GLYAT: variants seen among roughly 807,000 people sequenced by gnomAD.
GLYAT encodes the protein glycine N-acyltransferase.
GLYAT carries 25 observed loss-of-function variants against 22.8 expected under a neutral mutation model. The ratio of observed to expected loss-of-function variants is 1.09; its 90% CI spans 0.80 to 1.53. GLYAT has a LOEUF of 1.53. Ranked by LOEUF, GLYAT falls within the 40% of genes most tolerant of loss-of-function variation. The pLI, the probability that GLYAT is intolerant of heterozygous loss-of-function variation, is 0.00. For missense variants in GLYAT, 411 were observed against 353.9 expected, an observed-to-expected ratio of 1.16 and a Z score of -1.29; for synonymous variants, 140 against 122.7, an observed-to-expected ratio of 1.14 and a Z score of -0.93.
At chr11:58,718,740 T>C (rs1319661148) in intron 2 of GLYAT, among the ~76,000 whole-genome samples, 1 of 151,812 alleles carries the variant, frequency 6.6e-6, no homozygotes, top group East Asian at 1.9e-4. Context: ...GTTTTATAGC[T>C]GATTATAAAA....
intron 2 of GLYAT, among the ~76,000 whole-genome samples, chr11:58,718,303 T>C (rs896032130): frequency 1.3e-5 from 2 of 152,048 alleles, no homozygotes; most frequent in African/African-American, 4.8e-5. Context: ...CAAAGTTTGT[T>C]CATAGGAGTA....
intron 4 of GLYAT, among the ~76,000 whole-genome samples, chr11:58,711,477 G>T (rs114557793): frequency 6.6e-6 from 1 of 152,150 alleles, no homozygotes; most frequent in Non-Finnish European, 1.5e-5. Context: ...CACTGGGGAA[G>T]AAGCATTTCA....
Position 58,723,281 on chromosome 11 carries a change from A to G in GLYAT, c.81+1135T>C, listed in dbSNP as rs189835842. ...GTTCTGTCTCTCTGGGAGGTTATTT[A>G]TATCTTAAGGATTGTCATGTGAAGC... On this transcript the variant is annotated intron_variant, in intron 2 of 5. Coordinates refer to ENST00000344743, the MANE Select transcript of GLYAT (RefSeq NM_201648.3). Among the ~76,000 whole-genome samples the G allele has an allele frequency of 4.0e-3, 602 of 152,204 alleles. 12 individuals carry two copies. Among genetic ancestry groups the G allele is most frequent in the Admixed American group, 0.036 (546 of 15,254 alleles).
chr11:58,711,705 G>A lies in GLYAT; in HGVS notation c.317-944C>T, dbSNP rs905719410. ...TACATTCCTAGTGTAATAATATGAG[G>A]CAATGACCCATGATTTGCACATATC... On this transcript the variant is annotated intron_variant, in intron 4 of 5. Transcript: ENST00000344743. Among the ~76,000 whole-genome samples, 3 of 152,182 alleles carry A rather than the reference G, an allele frequency of 2.0e-5. No homozygotes were observed. In the South Asian group the frequency reaches 6.2e-4, roughly 32 times the overall value.
Position 58,709,791 on chromosome 11 carries a change from T to C in GLYAT, c.866A>G (p.Asn289Ser), listed in dbSNP as rs1374359338. Residue 289 changes from asparagine to serine, a missense_variant, in exon 6 of 6, where the codon AAC becomes AGC. Transcript: ENST00000344743. ...LQHVPIPRSW[N>S]QWNCVPL ...TCACAGAGGTACACAGTTCCACTGG[T>C]TCCAGCTTCTGGGAATGGGAACATG... The C allele has an allele frequency of 6.2e-7, 1 of 1,612,604 alleles. No individual in the cohort carries two copies. Among genetic ancestry groups the C allele is most frequent in the Non-Finnish European group, 8.5e-7 (1 of 1,179,190 alleles).
rs1426949944 is a variant in GLYAT at position 58,731,880 on chromosome 11, C to T, written c.-61G>A. ...GATGTTTCCGGGAAGAAACGATGAG[C>T]AACACCCTTCTGGGAGATGAAATTT... On this transcript the variant is annotated 5_prime_UTR_variant, in exon 1 of 6. Transcript: ENST00000344743. The T allele has an allele frequency of 6.6e-6, 1 of 152,128 alleles. No homozygotes were observed. The highest frequency in any genetic ancestry group is 2.1e-4 in the South Asian group (1 of 4,826). The allele number at this position is 152,128 out of a possible 1,614,324, so 9.4% of individuals were successfully genotyped here.
At chr11:58,725,426 A>G (rs1856801761) in intron 1 of GLYAT, among the ~76,000 whole-genome samples, 1 of 152,164 alleles carries the variant, frequency 6.6e-6, no homozygotes, top group Admixed American at 6.6e-5. Context: ...GGAAGAGAGC[A>G]AAGTAACTTC....
At chr11:58,727,698 G>A (rs1350583939) in intron 1 of GLYAT, among the ~76,000 whole-genome samples, 1 of 152,090 alleles carries the variant, frequency 6.6e-6, no homozygotes, top group Non-Finnish European at 1.5e-5. Flanking sequence ...TCAGGAGCTG[G>A]GCAAGTGGGC....
chr11:58,712,784 A>C lies in GLYAT; in HGVS notation c.292T>G (p.Trp98Gly), dbSNP rs773369748. 9 of 1,613,040 alleles carry C rather than the reference A, an allele frequency of 5.6e-6. No individual in the cohort carries two copies. The highest frequency in any genetic ancestry group is 6.8e-6 in the Non-Finnish European group (8 of 1,179,120). The stretch of plus-strand genomic sequence containing the variant: ...CTTTGAATCTGTAAATGCTGTTTCC[A>C]GTTGATGAGTTCTGGTGATCCAAGG... ...EFLGSPELIN[W>G]KQHLQIQSSQ... Residue 98 changes from tryptophan (W) to glycine (G), a missense_variant, in exon 4 of 6, where the codon TGG (tryptophan) becomes GGG (glycine). Coordinates refer to ENST00000344743, the MANE Select transcript of GLYAT (RefSeq NM_201648.3).
rs370676185 is a variant in GLYAT at position 58,728,851 on chromosome 11, G to GAAAGA, written c.-16+2983_-16+2984insTCTTT. On this transcript the variant is annotated intron_variant, in intron 1 of 5. Coordinates refer to ENST00000344743, the MANE Select transcript of GLYAT (RefSeq NM_201648.3). ...AAGAAAAAGAAAAAAAGGAAAGAAAGAAGAAAGAAAGAAAGAAAGAAAGAA... is the reference window on the plus strand; with the variant it reads ...AAGAAAAAGAAAAAAAGGAAAGAAAGAAAGAAAGAAAGAAAGAAAGAAAGAAAGAA... 4 of 90,728 alleles carry GAAAGA rather than the reference G, an allele frequency of 4.4e-5. 1 individual carries two copies. In the East Asian group the frequency reaches 1.4e-3, roughly 31 times the overall value. 5.6% of individuals were successfully genotyped at this position (90,728 alleles called of 1,614,324 possible). A position where few individuals can be genotyped will look rare whatever the true frequency, so the allele number is the denominator to read the frequency against.
chr11:58,720,453 A>G (rs1419974061), intron 2 of GLYAT, among the ~76,000 whole-genome samples: 1 of 152,058 alleles, frequency 6.6e-6, no homozygotes, highest in Non-Finnish European at 1.5e-5. Context: ...TGAGACAGTG[A>G]AAACGGATTT....
intron 1 of GLYAT, among the ~76,000 whole-genome samples, chr11:58,728,331 G>C (rs932553375): frequency 7.2e-5 from 11 of 151,990 alleles, no homozygotes; most frequent in Admixed American, 1.3e-4. Context: ...AAAGTGCTGG[G>C]ATTACAGGCG....
chr11:58,729,840 C>T (rs1055731314), intron 1 of GLYAT, among the ~76,000 whole-genome samples: 82 of 152,222 alleles, frequency 5.4e-4, no homozygotes, highest in African/African-American at 1.8e-3. Flanking sequence ...CTTGTCTTTT[C>T]TCTAGATGCA....
Position 58,709,752 on chromosome 11 carries a change from G to C in GLYAT, c.*14C>G. The stretch of plus-strand genomic sequence containing the variant: ...CCAGACCTGCCCAACACTGTCTTAT[G>C]TTCAGGATTGGCATCACAGAGGTAC... On this transcript the variant is annotated 3_prime_UTR_variant, in exon 6 of 6. Transcript: ENST00000344743. 6.3e-7 allele frequency: 1 copy of C among 1,597,404 alleles called. No homozygotes were observed. The highest frequency in any genetic ancestry group is 8.5e-7 in the Non-Finnish European group (1 of 1,170,312).
intron 4 of GLYAT, 22 bp from the exon 5 acceptor site, chr11:58,710,783 G>A: frequency 1.5e-6 from 2 of 1,375,992 alleles, no homozygotes; most frequent in Non-Finnish European, 2.1e-6. Context: ...AATAAACAGA[G>A]ATGAAATGGT....
In GLYAT at chr11:58,710,033, ACAG is replaced by A. The variant is rs761807213; in HGVS notation, c.621_623del (p.Cys208del). On this transcript the variant is annotated inframe_deletion, in exon 6 of 6. Coordinates refer to ENST00000344743, the MANE Select transcript of GLYAT (RefSeq NM_201648.3). ...CAGGGGTCCCCTCAGGCCCCAGGAGACAGCAGGTGGGAAAGGTCTGAATGCAGC... is the reference window on the plus strand; with the variant it reads ...CAGGGGTCCCCTCAGGCCCCAGGAGACAGGTGGGAAAGGTCTGAATGCAGC... 6.2e-7 allele frequency: 1 copy of A among 1,614,094 alleles called. No homozygotes were observed. Among genetic ancestry groups the A allele is most frequent in the South Asian group, 1.1e-5 (1 of 91,084 alleles).
chr11:58,722,204 G>A (rs551603717), intron 2 of GLYAT, among the ~76,000 whole-genome samples: 8 of 152,086 alleles, frequency 5.3e-5, no homozygotes, highest in South Asian at 2.1e-4. Flanking sequence ...ACCAAGCACC[G>A]ATAGGAGATT....
intron 1 of GLYAT, among the ~76,000 whole-genome samples, chr11:58,726,021 C>T (rs1000186089): frequency 2.0e-5 from 3 of 152,142 alleles, no homozygotes; most frequent in Non-Finnish European, 4.4e-5. Flanking sequence ...CCTGCTTGCC[C>T]AACTCCTGAG....
intron 1 of GLYAT, 39 bp downstream of exon 1, chr11:58,731,796 T>C (rs2134501809): frequency 6.6e-6 from 1 of 152,264 alleles, no homozygotes; most frequent in East Asian, 1.9e-4. Context: ...TCTAGACTTG[T>C]TCATCCTATG....
Sources: allele counts gnomAD v4.1 joint callset (sites outside exome capture counted in the v4.1 genomes callset), GRCh38; gene constraint gnomAD v4.1.1; transcripts MANE v1.5; gene names NCBI Gene and HGNC (gene_info 2026-07-23, HGNC 2026-07-21).